The following MFHAS1 variants were observed in gnomAD, a reference collection of about 807,000 sequenced individuals.
The protein encoded by MFHAS1 is malignant fibrous histiocytoma-amplified sequence 1.
MFHAS1 carries 50 observed loss-of-function variants against 70.4 expected under a neutral mutation model. The observed-to-expected ratio is 0.71, with a 90% CI of 0.57 to 0.90. The LOEUF is 0.90. MFHAS1 is among the 40% of genes least tolerant of loss of function. The probability of loss-of-function intolerance (pLI) is 0.00; values close to 1 mark genes in which losing one functional copy is unlikely to be tolerated. For missense variants in MFHAS1, 1,795 were observed against 1,347.6 expected, an observed-to-expected ratio of 1.33 and a Z score of -5.20; for synonymous variants, 952 against 620.0, an observed-to-expected ratio of 1.54 and a Z score of -7.96.
intron 1 of MFHAS1, among the ~76,000 whole-genome samples, chr8:8,804,155 GATAATTGAAT>G (rs887967456): frequency 3.9e-5 from 6 of 152,212 alleles, no homozygotes; most frequent in African/African-American, 1.4e-4. Context: ...AGGCTCACTT[GATAATTGAAT>G]ATATCCTAAG....
rs1265629944 is a variant in MFHAS1 at position 8,784,750 on chromosome 8, C to T, written c.*1272G>A. The T allele has an allele frequency of 6.6e-6, 1 of 152,162 alleles. No individual in the cohort carries two copies. The highest frequency in any genetic ancestry group is 1.5e-5 in the Non-Finnish European group (1 of 68,030). 9.4% of individuals were successfully genotyped at this position (152,162 alleles called of 1,614,324 possible). ...AACCCACGGAGGAGGCAAATGTAAA[C>T]AGAGTTTTTTACACTCTCCGAAAAA... On this transcript the variant is annotated 3_prime_UTR_variant, in exon 3 of 3. Coordinates refer to ENST00000276282, the MANE Select transcript of MFHAS1 (RefSeq NM_004225.3).
intron 1 of MFHAS1, among the ~76,000 whole-genome samples, chr8:8,874,231 A>T (rs1418041570): frequency 6.6e-6 from 1 of 152,078 alleles, no homozygotes; most frequent in African/African-American, 2.4e-5. Flanking sequence ...TTAGTTTAAC[A>T]ATCTGGAAAG....
At chr8:8,812,658 G>A (rs1806592685) in intron 1 of MFHAS1, among the ~76,000 whole-genome samples, 1 of 152,210 alleles carries the variant, frequency 6.6e-6, no homozygotes, top group Admixed American at 6.5e-5. Context: ...TTGGCGGGAA[G>A]GGGTAATGTG....
At chr8:8,828,462 C>T (rs1221206144) in intron 1 of MFHAS1, among the ~76,000 whole-genome samples, 8 of 152,034 alleles carry the variant, frequency 5.3e-5, no homozygotes, top group African/African-American at 1.4e-4. Context: ...CCTTCAAAGA[C>T]GCAGGGCCAT....
chr8:8,889,252 G>A (rs73524056), intron 1 of MFHAS1, among the ~76,000 whole-genome samples: 275 of 152,158 alleles, frequency 1.8e-3, no homozygotes, highest in African/African-American at 6.1e-3. Context: ...TATAAAACTC[G>A]AAACTGCCAG....
chr8:8,842,245 G>A (rs963912916), intron 1 of MFHAS1, among the ~76,000 whole-genome samples: 1 of 151,994 alleles, frequency 6.6e-6, no homozygotes, highest in African/African-American at 2.4e-5. Flanking sequence ...GAGTGCGGTG[G>A]CTCAACCTCG....
In MFHAS1 at chr8:8,786,060, A is replaced by T. The variant is rs758140693; in HGVS notation, c.3126-5T>A. 1.9e-6 allele frequency: 3 copies of T among 1,613,840 alleles called. No individual in the cohort carries two copies. The African/African-American group carries it at 4.0e-5, about 22-fold the overall frequency. ...TGCTTTTCACCAACATTCTTCCTGT[A>T]TGGGTGGACAACAAGAAAGCACAGA... On this transcript the variant is annotated splice_polypyrimidine_tract_variant and splice_region_variant and intron_variant, in intron 2 of 2. Coordinates refer to ENST00000276282, the MANE Select transcript of MFHAS1 (RefSeq NM_004225.3).
At chr8:8,873,007 G>T (rs919538460) in intron 1 of MFHAS1, among the ~76,000 whole-genome samples, 1 of 152,146 alleles carries the variant, frequency 6.6e-6, no homozygotes, top group African/African-American at 2.4e-5. Context: ...GGGGTGTCAG[G>T]GAAGGGGACA....
At position 8,785,967 on chromosome 8, in the gene MFHAS1, G is replaced by T; in HGVS notation, c.*55C>A. 6.4e-7 allele frequency: 1 copy of T among 1,569,142 alleles called. No individual in the cohort carries two copies. The highest frequency in any genetic ancestry group is 8.8e-7 in the Non-Finnish European group (1 of 1,142,320). ...AGAGGGTCTGCCAGGTGCAAAAGATGGTCCAGGTGTTCAGATGCTCTCTTT... is the reference window on the plus strand; with the variant it reads ...AGAGGGTCTGCCAGGTGCAAAAGATTGTCCAGGTGTTCAGATGCTCTCTTT... On this transcript the variant is annotated 3_prime_UTR_variant, in exon 3 of 3. Transcript: ENST00000276282.
rs1276615430 is a variant in MFHAS1, at chr8:8,892,876, G to A, written c.183C>T (p.Asn61=). The A allele has an allele frequency of 1.9e-6, 3 of 1,587,712 alleles. No homozygotes were observed. In the African/African-American group the frequency reaches 4.1e-5, roughly 22 times the overall value. The change falls in exon 1 of 3, where the codon AAC becomes AAT. Residue 61 remains asparagine, a synonymous_variant. Transcript: ENST00000276282. This position sits in a 1 kb window ranked among gnomAD's most constrained non-coding sequence, Gnocchi z 4.7. ...GGTTCAGTGCCTCAATGTCCCCGAGGTTGGCCGGCAGCACGAGCTGGGGGG... is the reference window on the plus strand; with the variant it reads ...GGTTCAGTGCCTCAATGTCCCCGAGATTGGCCGGCAGCACGAGCTGGGGGG... ...PASPQLVLPA[N]LGDIEALNLG...
chr8:8,885,242 A>G lies in MFHAS1; in HGVS notation c.2998+4819T>C, dbSNP rs974854364. The stretch of plus-strand genomic sequence containing the variant: ...AGTTACTGAGTAAATGAAAGACAGT[A>G]AAGCTAAAGAAAGCCACATAACTCA... On this transcript the variant is annotated intron_variant, in intron 1 of 2. Transcript: ENST00000276282. Among the ~76,000 whole-genome samples, 8 of 152,202 alleles carry G rather than the reference A, an allele frequency of 5.3e-5. No homozygotes were observed. The East Asian group carries it at 9.6e-4, about 18-fold the overall frequency.
chr8:8,848,599 A>C (rs921663661), intron 1 of MFHAS1, among the ~76,000 whole-genome samples: 2 of 146,252 alleles, frequency 1.4e-5, no homozygotes, highest in African/African-American at 4.9e-5. Context: ...TTTTACTACT[A>C]ACGGAGCTGG....
intron 1 of MFHAS1, among the ~76,000 whole-genome samples, chr8:8,854,306 G>A (rs1222452992): frequency 1.3e-5 from 2 of 152,128 alleles, no homozygotes; most frequent in African/African-American, 4.8e-5. Flanking sequence ...GTCAAGAAGA[G>A]GTCAGGAGAT....
chr8:8,794,451 A>G (rs954607852), intron 2 of MFHAS1, among the ~76,000 whole-genome samples: 10 of 152,196 alleles, frequency 6.6e-5, no homozygotes, highest in Non-Finnish European at 1.5e-4. Context: ...CCCGGCCTCC[A>G]CATGAGTTTG....
chr8:8,861,859 GC>G (rs1274173292), intron 1 of MFHAS1, among the ~76,000 whole-genome samples: 1 of 152,154 alleles, frequency 6.6e-6, no homozygotes, highest in African/African-American at 2.4e-5. Flanking sequence ...TCAGCATAAT[GC>G]TTTTGAGAGT....
At chr8:8,874,555 G>C (rs1809218486) in intron 1 of MFHAS1, among the ~76,000 whole-genome samples, 1 of 152,116 alleles carries the variant, frequency 6.6e-6, no homozygotes, top group Non-Finnish European at 1.5e-5. Context: ...ATTTTACAGA[G>C]GAGACAGTTT....
In MFHAS1 at chr8:8,794,240, T is replaced by C. The variant is rs574631610; in HGVS notation, c.3125+3125A>G. 2.0e-5 allele frequency among the ~76,000 whole-genome samples: 3 copies of C among 152,040 alleles called. No individual in the cohort carries two copies. In the East Asian group the frequency reaches 5.8e-4, roughly 29 times the overall value. On this transcript the variant is annotated intron_variant, in intron 2 of 2. Transcript: ENST00000276282. The stretch of plus-strand genomic sequence containing the variant: ...TCTATGGTGACCTGCTTAAGTTACC[T>C]CGGCTGGAGTTGAAAGCCAGTGCAA...
At chr8:8,847,259 G>T (rs1427591926) in intron 1 of MFHAS1, among the ~76,000 whole-genome samples, 1 of 152,114 alleles carries the variant, frequency 6.6e-6, no homozygotes, top group Non-Finnish European at 1.5e-5. Context: ...TGGGCTCACT[G>T]CAACCTCCAC....
At chr8:8,824,520 T>TAC (rs1563190840) in intron 1 of MFHAS1, among the ~76,000 whole-genome samples, 4 of 56,648 alleles carry the variant, frequency 7.1e-5, no homozygotes, top group African/African-American at 1.7e-4. Context: ...TTCTCTCTCT[T>TAC]TCACACACAC....
Sources: gnomAD v4.1 joint callset for allele counts (sites outside exome capture counted in the v4.1 genomes callset) on GRCh38, gnomAD v4.1.1 for gene constraint, Gnocchi (gnomAD v3.1) non-coding constraint, MANE v1.5 for transcripts, NCBI Gene and HGNC (gene_info 2026-07-23, HGNC 2026-07-21) for gene names.